ZBTB46: variants seen among roughly 807,000 people sequenced by gnomAD.
The protein encoded by ZBTB46 is zinc finger and BTB domain containing 46.
ZBTB46 carries 8 observed loss-of-function variants against 44.1 expected under a neutral mutation model. That is an observed-to-expected ratio of 0.18 (90% confidence interval 0.11 to 0.33). The LOEUF (loss-of-function observed/expected upper bound fraction) is 0.33. Among genes scored for constraint, ZBTB46 ranks in the 10% least tolerant of loss-of-function variants. The probability of loss-of-function intolerance (pLI) is 1.00; values close to 1 mark genes in which losing one functional copy is unlikely to be tolerated. For synonymous variants in ZBTB46, 409 were observed against 382.3 expected (o/e 1.07, Z -0.81); for missense variants, 651 against 847.7 (o/e 0.77, Z 2.88).
At chr20:63,753,252 G>A (rs2092187899) in intron 3 of ZBTB46, among the ~76,000 whole-genome samples, 1 of 152,172 alleles carries the variant, frequency 6.6e-6, no homozygotes, top group Non-Finnish European at 1.5e-5. Context: ...CCTGGGCGTG[G>A]TGTCCGATCA....
rs1308437810 is a variant in ZBTB46, at chr20:63,767,628, G to A, written c.1222+8050C>T. On this transcript the variant is annotated intron_variant, in intron 3 of 4. Coordinates refer to ENST00000245663, the MANE Select transcript of ZBTB46 (RefSeq NM_001369741.1). This position sits in a 1 kb window ranked among gnomAD's most constrained non-coding sequence, Gnocchi z 5.0. ...CAGCACTGAGGTCAAAGCAAACGCC[G>A]GCTCCAGCGCACAGACCAGAGGCAC... Among the ~76,000 whole-genome samples the A allele has an allele frequency of 6.6e-6, 1 of 152,192 alleles. No individual in the cohort carries two copies. Among genetic ancestry groups the A allele is most frequent in the Non-Finnish European group, 1.5e-5 (1 of 68,044 alleles).
chr20:63,793,461 G>A (rs2092576874), intron 1 of ZBTB46, among the ~76,000 whole-genome samples: 1 of 152,246 alleles, frequency 6.6e-6, no homozygotes, highest in Non-Finnish European at 1.5e-5. Flanking sequence ...GAAGCTGGGG[G>A]GTCCACAAGT....
intron 1 of ZBTB46, among the ~76,000 whole-genome samples, chr20:63,808,975 T>G (rs2092700486): frequency 2.9e-5 from 1 of 34,400 alleles, no homozygotes; most frequent in South Asian, 8.2e-4. Context: ...AGACTCCGCT[T>G]CAAAAAAAAA....
In ZBTB46 at chr20:63,787,609, A is replaced by G. The variant is rs2092526245; in HGVS notation, c.937+2212T>C. On this transcript the variant is annotated intron_variant, in intron 2 of 4. Coordinates refer to ENST00000245663, the MANE Select transcript of ZBTB46 (RefSeq NM_001369741.1). The surrounding 1 kb of genome is among the most constrained non-coding windows in gnomAD (Gnocchi z 4.6). ...ACACTGGCAGGTTTGTGCTGGGCCT[A>G]TAACCGGCTGCACTTTCTAGTTTTG... The G allele has an allele frequency of 6.6e-6, 1 of 152,260 alleles. No individual in the cohort carries two copies. The allele number at this position is 152,260 out of a possible 1,614,324, so 9.4% of individuals were successfully genotyped here. A position where few individuals can be genotyped will look rare whatever the true frequency, so the allele number is the denominator to read the frequency against.
At chr20:63,814,481 G>A (rs928035288) in intron 1 of ZBTB46, among the ~76,000 whole-genome samples, 4 of 152,112 alleles carry the variant, frequency 2.6e-5, no homozygotes, top group African/African-American at 9.7e-5. Context: ...GTGCAAATGC[G>A]GTGAGAGAGA....
rs1360556572 is a variant in ZBTB46, at chr20:63,744,046, A to C, written c.*2884T>G. ...GTTGAAAAAAATAAATATTTAAGAA[A>C]AGCACACACAGCACCCTCACTACAA... On this transcript the variant is annotated 3_prime_UTR_variant, in exon 5 of 5. Coordinates refer to ENST00000245663, the MANE Select transcript of ZBTB46 (RefSeq NM_001369741.1). 1 of 152,522 alleles carries C rather than the reference A, an allele frequency of 6.6e-6. No homozygotes were observed. The highest frequency in any genetic ancestry group is 1.5e-5 in the Non-Finnish European group (1 of 68,044). 9.4% of individuals were successfully genotyped at this position (152,522 alleles called of 1,614,324 possible).
chr20:63,771,224 A>C (rs528219578), intron 3 of ZBTB46, among the ~76,000 whole-genome samples: 307 of 152,206 alleles, frequency 2.0e-3, no homozygotes, highest in African/African-American at 7.2e-3. Flanking sequence ...AGGAGAGAGG[A>C]GCCGGCGGCC....
chr20:63,785,852 A>C (rs2092510365), intron 2 of ZBTB46, among the ~76,000 whole-genome samples: 1 of 152,234 alleles, frequency 6.6e-6, no homozygotes, highest in Non-Finnish European at 1.5e-5. Context: ...GAAGAGTTTC[A>C]CAGTTGCCTT....
intron 1 of ZBTB46, among the ~76,000 whole-genome samples, chr20:63,791,837 T>A (rs2092563426): frequency 6.6e-6 from 1 of 152,152 alleles, no homozygotes; most frequent in South Asian, 2.1e-4. Context: ...CTCTCCTGTC[T>A]CTCCTTAGAC....
rs2092659841 is a variant in ZBTB46 at position 63,803,123 on chromosome 20, CCAG to C, written c.-33-12336_-33-12334del. Among the ~76,000 whole-genome samples the C allele has an allele frequency of 6.6e-6, 1 of 152,162 alleles. No homozygotes were observed. The highest frequency in any genetic ancestry group is 2.1e-4 in the South Asian group (1 of 4,824). On this transcript the variant is annotated intron_variant, in intron 1 of 4. Coordinates refer to ENST00000245663, the MANE Select transcript of ZBTB46 (RefSeq NM_001369741.1). The surrounding 1 kb of genome is among the most constrained non-coding windows in gnomAD (Gnocchi z 4.0). ...AACCCGGCTCCCCCAGGGCACCTCA[CCAG>C]CAGGAACCAGGCGTGGGCACCATCC...
Position 63,789,805 on chromosome 20 carries a change from C to A in ZBTB46, c.937+16G>T. On this transcript the variant is annotated intron_variant, in intron 2 of 4. Transcript: ENST00000245663. The stretch of plus-strand genomic sequence containing the variant: ...CACTGGGGCAGCTGAGCCCCCGTAA[C>A]GAGTGAAAGGCTTACTTGAGTCTCG... 4 of 1,595,136 alleles carry A rather than the reference C, an allele frequency of 2.5e-6. No homozygotes were observed. The highest frequency in any genetic ancestry group is 3.4e-6 in the Non-Finnish European group (4 of 1,172,404).
intron 1 of ZBTB46, among the ~76,000 whole-genome samples, chr20:63,794,261 G>T (rs920057020): frequency 6.6e-6 from 1 of 151,558 alleles, no homozygotes; most frequent in Non-Finnish European, 1.5e-5. Context: ...GCACGATCTC[G>T]GCTCACGGCA....
chr20:63,768,613 A>G (rs1489910212), intron 3 of ZBTB46, among the ~76,000 whole-genome samples: 1 of 150,162 alleles, frequency 6.7e-6, no homozygotes, highest in East Asian at 1.9e-4. Flanking sequence ...TCTCAAAAGA[A>G]AAAAAAAAAA....
chr20:63,779,329 C>T (rs1017737290), intron 2 of ZBTB46, among the ~76,000 whole-genome samples: 1 of 152,010 alleles, frequency 6.6e-6, no homozygotes. Flanking sequence ...CAACCTCCGC[C>T]TCCCGGCTTC....
At chr20:63,810,033 G>A (rs2092708939) in intron 1 of ZBTB46, among the ~76,000 whole-genome samples, 1 of 152,038 alleles carries the variant, frequency 6.6e-6, no homozygotes, top group South Asian at 2.1e-4. Context: ...CAATTACAAA[G>A]GTGGCCGTGA....
intron 3 of ZBTB46, among the ~76,000 whole-genome samples, chr20:63,760,019 C>G (rs1226853072): frequency 1.3e-5 from 2 of 152,194 alleles, no homozygotes; most frequent in East Asian, 3.8e-4. Context: ...CTTCCTCTGT[C>G]TCACTGGATT....
chr20:63,749,524 G>A (rs1453353082), intron 4 of ZBTB46, among the ~76,000 whole-genome samples: 1 of 152,140 alleles, frequency 6.6e-6, no homozygotes, highest in Non-Finnish European at 1.5e-5. Flanking sequence ...TTTTAGTAGA[G>A]ACGGGGTTTC....
chr20:63,815,184 A>C, intron 1 of ZBTB46: 1 of 238,828 alleles, frequency 4.2e-6, no homozygotes, highest in South Asian at 4.0e-5. Context: ...CAGTGGGCCC[A>C]GGTGCAGTGG....
chr20:63,803,569 C>T lies in ZBTB46; in HGVS notation c.-33-12779G>A, dbSNP rs1049375019. ...TGCCGGCCCCGGGCTGCCCAGGCCCCGGGCTGCCCAGGTCTCTGTCGGAGG... is the reference window on the plus strand; with the variant it reads ...TGCCGGCCCCGGGCTGCCCAGGCCCTGGGCTGCCCAGGTCTCTGTCGGAGG... On this transcript the variant is annotated intron_variant, in intron 1 of 4. Coordinates refer to ENST00000245663, the MANE Select transcript of ZBTB46 (RefSeq NM_001369741.1). The surrounding 1 kb of genome is among the most constrained non-coding windows in gnomAD (Gnocchi z 4.0). 25 of 976,686 alleles carry T rather than the reference C, an allele frequency of 2.6e-5. No individual in the cohort carries two copies. Among genetic ancestry groups the T allele is most frequent in the Admixed American group, 6.2e-5 (1 of 16,232 alleles). The allele number at this position is 976,686 out of a possible 1,614,324, so 60.5% of individuals were successfully genotyped here.
Sources: allele counts gnomAD v4.1 joint callset (sites outside exome capture counted in the v4.1 genomes callset), GRCh38; gene constraint gnomAD v4.1.1; non-coding constraint Gnocchi (gnomAD v3.1); transcripts MANE v1.5; gene names NCBI Gene and HGNC (gene_info 2026-07-23, HGNC 2026-07-21).